PIK3R4: variants seen among roughly 807,000 people sequenced by gnomAD.
The protein encoded by PIK3R4 is phosphoinositide-3-kinase regulatory subunit 4, also known as phosphoinositide 3-kinase regulatory subunit 4.
Under a neutral mutation model 136.5 loss-of-function variants are expected in PIK3R4, and 46 were observed. That is an observed-to-expected ratio of 0.34 (90% CI 0.27 to 0.43). The LOEUF is 0.43. Ranked by LOEUF, PIK3R4 falls within the 20% of genes least tolerant of loss-of-function variation. The pLI is 1.00. For missense variants in PIK3R4, 1,331 were observed against 1,649.5 expected, an observed-to-expected ratio of 0.81 and a Z score of 3.35; for synonymous variants, 557 against 566.7, an observed-to-expected ratio of 0.98 and a Z score of 0.24.
intron 13 of PIK3R4, among the ~76,000 whole-genome samples, chr3:130,690,917 A>C (rs1159898050): frequency 8.2e-6 from 1 of 122,270 alleles, no homozygotes; most frequent in South Asian, 2.4e-4. Context: ...TTTTTTTCTG[A>C]GACAGGGTCT....
intron 13 of PIK3R4, among the ~76,000 whole-genome samples, chr3:130,695,134 T>C (rs1576452589): frequency 6.6e-6 from 1 of 152,150 alleles, no homozygotes; most frequent in East Asian, 1.9e-4. Flanking sequence ...TTGTACTTGG[T>C]CATGATATTA....
chr3:130,728,934 C>CAAATAGTTTCATTT (rs2066748049), intron 5 of PIK3R4, among the ~76,000 whole-genome samples: 1 of 152,072 alleles, frequency 6.6e-6, no homozygotes, highest in Non-Finnish European at 1.5e-5. Context: ...TCTCACTAAT[C>CAAATAGTTTCATTT]AAATAGTTTC....
chr3:130,745,318 A>T (rs2066846300), intron 1 of PIK3R4, 54 bp from the exon 2 acceptor site: 3 of 1,204,236 alleles, frequency 2.5e-6, no homozygotes, highest in South Asian at 1.6e-5. Flanking sequence ...AGAAGCTGTG[A>T]AACACCATTA....
chr3:130,712,139 G>A (rs2066636077), intron 9 of PIK3R4, among the ~76,000 whole-genome samples: 1 of 152,060 alleles, frequency 6.6e-6, no homozygotes, highest in Non-Finnish European at 1.5e-5. Context: ...TATGGGTAAC[G>A]TTCCAAAAGT....
chr3:130,697,567 C>T (rs1369475471), intron 13 of PIK3R4, among the ~76,000 whole-genome samples: 6 of 152,070 alleles, frequency 3.9e-5, no homozygotes, highest in Non-Finnish European at 8.8e-5. Flanking sequence ...CAATGAACAC[C>T]TTAAAATAAT....
At position 130,716,397 on chromosome 3, in the gene PIK3R4, T is replaced by A; in HGVS notation, c.2330A>T (p.Gln777Leu). The A allele has an allele frequency of 6.2e-7, 1 of 1,613,018 alleles. No individual in the cohort carries two copies. Among genetic ancestry groups the A allele is most frequent in the Non-Finnish European group, 8.5e-7 (1 of 1,179,002 alleles). ...IAQLLKKLLS[Q>L]GMTEEEEDKL... ...AAGACTTTGGAAGGGTGATACAACC[T>A]GTGAGAGCAACTTCTTCAGAAGCTG... is the stretch of plus-strand genomic sequence containing the variant. The change falls in exon 9 of 20, where the codon CAG becomes CTG. Residue 777 changes from glutamine to leucine, a missense_variant and splice_region_variant. Around this residue, in one of 2 missense-constraint regions of PIK3R4, gnomAD observed 1,180 missense variants for 1,407.0 expected, o/e 0.84. Coordinates refer to ENST00000356763, the MANE Select transcript of PIK3R4 (RefSeq NM_014602.3).
At chr3:130,681,625 A>G (rs1267756065) in intron 16 of PIK3R4, 34 bp from the exon 17 acceptor site, 5 of 1,295,494 alleles carry the variant, frequency 3.9e-6, no homozygotes, top group Non-Finnish European at 4.5e-6. Context: ...CTTGACTCAG[A>G]CAAAAAGAGT....
At chr3:130,725,457 A>G (rs2066726093) in intron 6 of PIK3R4, among the ~76,000 whole-genome samples, 1 of 151,970 alleles carries the variant, frequency 6.6e-6, no homozygotes, top group Non-Finnish European at 1.5e-5. Flanking sequence ...CCCACATCAC[A>G]GACCAAAAAT....
chr3:130,690,520 T>C lies in PIK3R4; in HGVS notation c.3233A>G (p.Lys1078Arg). 1 of 1,613,478 alleles carries C rather than the reference T, an allele frequency of 6.2e-7. No individual in the cohort carries two copies. Among genetic ancestry groups the C allele is most frequent in the Non-Finnish European group, 8.5e-7 (1 of 1,179,636 alleles). The change falls in exon 14 of 20, where the codon AAG becomes AGG. Residue 1078 changes from lysine to arginine, a missense_variant. This residue lies in a region of PIK3R4 where 1,180 missense variants were observed against 1,407.0 expected (regional missense o/e 0.84). Coordinates refer to ENST00000356763, the MANE Select transcript of PIK3R4 (RefSeq NM_014602.3). ...TTGTAGAGGATGGATTTTAGGAGAC[T>C]TGGGCAGCTTAGAAGCCTCAATTCC... The part of the protein sequence containing the change: ...LLGIEASKLP[K>R]SPKIHPLQSR...
chr3:130,710,566 T>C (rs1238896376), intron 9 of PIK3R4, among the ~76,000 whole-genome samples: 2 of 152,086 alleles, frequency 1.3e-5, no homozygotes, highest in Non-Finnish European at 2.9e-5. Flanking sequence ...CTAAATATCC[T>C]AGTCATTTAA....
At position 130,744,632 on chromosome 3, in the gene PIK3R4, T is replaced by C. The variant is rs768676699; in HGVS notation, c.587A>G (p.Tyr196Cys). Residue 196 changes from tyrosine (Y) to cysteine (C), a missense_variant, in exon 2 of 20, where the codon TAT (tyrosine) becomes TGT (cysteine). By Grantham distance (194) the Tyr-to-Cys change is radical. Around this residue, in one of 2 missense-constraint regions of PIK3R4, gnomAD observed 151 missense variants for 242.5 expected, o/e 0.62. Coordinates refer to ENST00000356763, the MANE Select transcript of PIK3R4 (RefSeq NM_014602.3). Reference sequence around the variant, plus strand: ...ATCAACAAAACGTTCAGGAGCAATATAGCAAGTTCTCCTCCGTGATGTGTC... The same window carrying C: ...ATCAACAAAACGTTCAGGAGCAATACAGCAAGTTCTCCTCCGTGATGTGTC... ...FFDTSRRRTCYIAPERFVDGG... is the reference protein window; with the variant it reads ...FFDTSRRRTCCIAPERFVDGG... 9 of 1,614,238 alleles carry C rather than the reference T, an allele frequency of 5.6e-6. No homozygotes were observed. Among genetic ancestry groups the C allele is most frequent in the Non-Finnish European group, 6.8e-6 (8 of 1,180,044 alleles).
chr3:130,679,600 T>C, intron 19 of PIK3R4, 115 bp from the exon 20 acceptor site: 1 of 669,924 alleles, frequency 1.5e-6, no homozygotes, highest in Non-Finnish European at 2.6e-6. Flanking sequence ...TAACACCTTT[T>C]GTAGTCATGC....
At chr3:130,694,665 T>C (rs1185624291) in intron 13 of PIK3R4, among the ~76,000 whole-genome samples, 1 of 152,104 alleles carries the variant, frequency 6.6e-6, no homozygotes, top group Admixed American at 6.5e-5. Context: ...TCTAGTAAGT[T>C]TTTAAAACAA....
chr3:130,727,345 C>G (rs1011602534), intron 6 of PIK3R4, among the ~76,000 whole-genome samples: 4 of 152,050 alleles, frequency 2.6e-5, no homozygotes, highest in Non-Finnish European at 5.9e-5. Context: ...CTCAGCCCCC[C>G]TCCCGCCGCC....
intron 13 of PIK3R4, among the ~76,000 whole-genome samples, chr3:130,702,845 G>A (rs968336463): frequency 2.0e-5 from 3 of 152,156 alleles, no homozygotes; most frequent in Admixed American, 6.5e-5. Context: ...CTTGTCCGCA[G>A]GAGTGTGGCA....
chr3:130,738,305 A>T (rs568198797), intron 2 of PIK3R4, among the ~76,000 whole-genome samples: 2 of 152,334 alleles, frequency 1.3e-5, no homozygotes, highest in African/African-American at 4.8e-5. Flanking sequence ...TGCATTTTCT[A>T]TTTATGATAT....
At chr3:130,705,465 CT>C in intron 12 of PIK3R4, 95 bp downstream of exon 12, 2 of 759,974 alleles carry the variant, frequency 2.6e-6, no homozygotes, top group South Asian at 3.7e-5. Flanking sequence ...TTGTTCTTAC[CT>C]CTTTTGTCTG....
At chr3:130,703,606 TCCA>T in intron 13 of PIK3R4, 114 bp downstream of exon 13, 1 of 701,246 alleles carries the variant, frequency 1.4e-6, no homozygotes, top group Admixed American at 2.5e-5. Context: ...AGGATTTTTG[TCCA>T]TTTATTGTTG....
intron 7 of PIK3R4, among the ~76,000 whole-genome samples, chr3:130,722,605 A>G (rs2066708121): frequency 1.3e-5 from 2 of 152,190 alleles, no homozygotes; most frequent in African/African-American, 4.8e-5. Flanking sequence ...ATTATAATAG[A>G]ATAAACATAT....
Sources: gnomAD v4.1 joint callset for allele counts (sites outside exome capture counted in the v4.1 genomes callset) on GRCh38, gnomAD v4.1.1 for gene constraint, gnomAD v4.1.1 regional missense constraint, MANE v1.5 for transcripts, NCBI Gene and HGNC (gene_info 2026-07-23, HGNC 2026-07-21) for gene names.